The following SPAG16 variants were observed in gnomAD, a reference collection of about 807,000 sequenced individuals.
SPAG16 encodes sperm-associated antigen 16 protein.
A neutral mutation model predicts 80.4 loss-of-function variants in SPAG16; 86 were observed. The observed-to-expected ratio is 1.07, with a 90% CI of 0.90 to 1.28. The LOEUF (loss-of-function observed/expected upper bound fraction) is 1.28. SPAG16 is among the 50% of genes most tolerant of loss of function. SPAG16 has a pLI of 0.00. For missense variants in SPAG16, 870 were observed against 765.3 expected (o/e 1.14, Z -1.61); for synonymous variants, 294 against 265.9 (o/e 1.11, Z -1.03).
chr2:214,014,473 A>C (rs574243400), intron 13 of SPAG16, among the ~76,000 whole-genome samples: 2 of 152,330 alleles, frequency 1.3e-5, no homozygotes, highest in Admixed American at 6.5e-5. Context: ...ATCTAAATAC[A>C]GGGGGAAAGC....
At position 214,123,698 on chromosome 2, in the gene SPAG16, AG is replaced by A. The variant is rs2054333157; in HGVS notation, c.1593+15438del. ...AGGTAGAAAACAGCAATAAGGTGAG[AG>A]TTGGGGCTTAAAATGCAATGATCAG... On this transcript the variant is annotated intron_variant, in intron 14 of 15. Transcript: ENST00000331683. Among the ~76,000 whole-genome samples the A allele has an allele frequency of 3.9e-5, 6 of 152,158 alleles. No individual in the cohort carries two copies. In the South Asian group the frequency reaches 1.2e-3, roughly 32 times the overall value.
intron 12 of SPAG16, among the ~76,000 whole-genome samples, chr2:213,973,210 A>T (rs2045175685): frequency 6.6e-6 from 1 of 152,136 alleles, no homozygotes; most frequent in African/African-American, 2.4e-5. Context: ...TCCCCAGTAT[A>T]TACAGGCACT....
chr2:213,307,568 G>T (rs1036536629), intron 3 of SPAG16, among the ~76,000 whole-genome samples: 5 of 144,526 alleles, frequency 3.5e-5, no homozygotes, highest in Non-Finnish European at 7.6e-5. Context: ...GTATTCCATG[G>T]TGTATATGTG....
At chr2:213,841,555 A>G (rs571573528) in intron 10 of SPAG16, among the ~76,000 whole-genome samples, 2 of 152,138 alleles carry the variant, frequency 1.3e-5, no homozygotes, top group Admixed American at 6.5e-5. Context: ...TGTTCTTTTC[A>G]TGCTTATAAT....
chr2:213,996,343 C>G (rs2046512526), intron 12 of SPAG16, among the ~76,000 whole-genome samples: 1 of 152,062 alleles, frequency 6.6e-6, no homozygotes, highest in Non-Finnish European at 1.5e-5. Flanking sequence ...ATGCATGTAA[C>G]TATTTCAGAG....
At chr2:214,031,040 A>G (rs1390658356) in intron 13 of SPAG16, among the ~76,000 whole-genome samples, 1 of 152,104 alleles carries the variant, frequency 6.6e-6, no homozygotes, top group Non-Finnish European at 1.5e-5. Context: ...CTGAGTTTCC[A>G]GTTTTTCTGC....
At chr2:213,358,852 A>T (rs890148871) in intron 7 of SPAG16, among the ~76,000 whole-genome samples, 1 of 151,948 alleles carries the variant, frequency 6.6e-6, no homozygotes, top group Non-Finnish European at 1.5e-5. Context: ...TGGTTTTTAG[A>T]ATTTTCCACT....
intron 10 of SPAG16, among the ~76,000 whole-genome samples, chr2:213,512,569 C>A (rs745984269): frequency 2.6e-5 from 4 of 152,046 alleles, no homozygotes; most frequent in African/African-American, 9.7e-5. Flanking sequence ...CCTAAAAATT[C>A]GGCTAGGAGA....
At chr2:214,338,297 T>A (rs1026089790) in intron 15 of SPAG16, among the ~76,000 whole-genome samples, 1 of 152,048 alleles carries the variant, frequency 6.6e-6, no homozygotes, top group Non-Finnish European at 1.5e-5. Flanking sequence ...AGGCAGATGA[T>A]CAGGTCAGGG....
chr2:213,341,767 C>T (rs982447601), intron 6 of SPAG16, among the ~76,000 whole-genome samples: 4 of 152,024 alleles, frequency 2.6e-5, no homozygotes, highest in African/African-American at 9.7e-5. Flanking sequence ...TTTTGAACTC[C>T]TGGGCACCAG....
At chr2:214,044,210 T>G (rs2049186607) in intron 13 of SPAG16, among the ~76,000 whole-genome samples, 1 of 152,206 alleles carries the variant, frequency 6.6e-6, no homozygotes, top group Non-Finnish European at 1.5e-5. Flanking sequence ...ATGCATTATT[T>G]TTAATTTATA....
chr2:213,833,465 T>TATATAA lies in SPAG16; in HGVS notation c.1071-29020_1071-29019insATATAA, dbSNP rs1553640485. Among the ~76,000 whole-genome samples the TATATAA allele has an allele frequency of 4.1e-4, 4 of 9,728 alleles. 1 individual carries two copies. The highest frequency in any genetic ancestry group is 6.7e-4 in the African/African-American group (2 of 2,994). 6.4% of individuals were successfully genotyped at this position (9,728 alleles called of 152,430 possible). A position where few individuals can be genotyped will look rare whatever the true frequency, so the allele number is the denominator to read the frequency against. On this transcript the variant is annotated intron_variant, in intron 10 of 15. Coordinates refer to ENST00000331683, the MANE Select transcript of SPAG16 (RefSeq NM_024532.5). ...TGTATATATATATATTATATATATA[T>TATATAA]TATATATAATAATATATATATTATA...
At position 214,285,121 on chromosome 2, in the gene SPAG16, T is replaced by A. The variant is rs115759158; in HGVS notation, c.1721-125019T>A. On this transcript the variant is annotated intron_variant, in intron 15 of 15. Coordinates refer to ENST00000331683, the MANE Select transcript of SPAG16 (RefSeq NM_024532.5). ...TGTACAAAGGTTCTCTTTCCTCATA[T>A]TCTTGCCAATATGTATCTTTTATCT... 2.8e-3 allele frequency among the ~76,000 whole-genome samples: 432 copies of A among 152,332 alleles called. 1 individual carries two copies. The highest frequency in any genetic ancestry group is 0.01 in the African/African-American group (419 of 41,570).
chr2:214,053,582 A>G (rs1287566073), intron 13 of SPAG16, among the ~76,000 whole-genome samples: 1 of 152,216 alleles, frequency 6.6e-6, no homozygotes, highest in Non-Finnish European at 1.5e-5. Flanking sequence ...TTCACTCAAC[A>G]GGTAATTCAT....
chr2:213,889,623 A>G (rs949343636), intron 11 of SPAG16, among the ~76,000 whole-genome samples: 8 of 150,202 alleles, frequency 5.3e-5, no homozygotes, highest in Non-Finnish European at 1.2e-4. Flanking sequence ...CAAAATATAT[A>G]TATACATATA....
intron 9 of SPAG16, among the ~76,000 whole-genome samples, chr2:213,441,179 A>G (rs2070929298): frequency 6.6e-6 from 1 of 152,222 alleles, no homozygotes; most frequent in Admixed American, 6.5e-5. Flanking sequence ...AAATAAAACA[A>G]AACTAAGCCA....
At chr2:214,005,437 A>T (rs535186173) in intron 12 of SPAG16, among the ~76,000 whole-genome samples, 1 of 152,162 alleles carries the variant, frequency 6.6e-6, no homozygotes, top group South Asian at 2.1e-4. Flanking sequence ...AACAATGTTC[A>T]ATTTATTAGT....
intron 10 of SPAG16, among the ~76,000 whole-genome samples, chr2:213,754,231 C>G (rs2068214848): frequency 4.6e-5 from 7 of 152,054 alleles, no homozygotes. Context: ...AACAGAAAGA[C>G]AAATTTGAGG....
intron 12 of SPAG16, among the ~76,000 whole-genome samples, chr2:213,985,742 A>G (rs2045968047): frequency 6.6e-6 from 1 of 152,108 alleles, no homozygotes; most frequent in Admixed American, 6.6e-5. Context: ...AGGATGGAGT[A>G]CGCAAATGGT....
Sources: gnomAD v4.1 joint callset for allele counts (sites outside exome capture counted in the v4.1 genomes callset) on GRCh38, gnomAD v4.1.1 for gene constraint, MANE v1.5 for transcripts, NCBI Gene and HGNC (gene_info 2026-07-23, HGNC 2026-07-21) for gene names.